The following ZFHX3 variants were observed in gnomAD, a reference collection of about 807,000 sequenced individuals.
The protein encoded by ZFHX3 is zinc finger homeobox protein 3.
ZFHX3 carries 42 observed loss-of-function variants against 279.1 expected under a neutral mutation model. The observed-to-expected ratio is 0.15, with a 90% CI of 0.12 to 0.19. The LOEUF is 0.19. Among genes scored for constraint, ZFHX3 ranks in the 10% least tolerant of loss-of-function variants. The probability of loss-of-function intolerance (pLI) is 1.00; values close to 1 mark genes in which losing one functional copy is unlikely to be tolerated. For missense variants in ZFHX3, 4,981 were observed against 4,754.0 expected (o/e 1.05, Z -1.40); for synonymous variants, 2,293 against 1,957.8 (o/e 1.17, Z -4.52).
chr16:73,270,065 A>G (rs1246496918), intron 4 of ZFHX3, among the ~76,000 whole-genome samples: 2 of 151,972 alleles, frequency 1.3e-5, no homozygotes, highest in Non-Finnish European at 2.9e-5. Context: ...ATATTTTTCA[A>G]CTTGCATTGC....
chr16:72,905,354 C>G (rs997357796), intron 3 of ZFHX3, among the ~76,000 whole-genome samples: 7 of 152,154 alleles, frequency 4.6e-5, no homozygotes, highest in African/African-American at 1.7e-4. Context: ...GGGCTCGCCC[C>G]TCCCCACCAA....
At chr16:73,126,970 A>C (rs1020494380) in intron 7 of ZFHX3, 1 of 163,326 alleles carries the variant, frequency 6.1e-6, no homozygotes, top group Non-Finnish European at 1.3e-5. Context: ...CTTACAAAAT[A>C]CAAGGGAAAG....
Position 73,282,744 on chromosome 16 carries a change from T to C in ZFHX3, c.-1193-25608A>G, listed in dbSNP as rs542676260. On this transcript the variant is annotated intron_variant, in intron 4 of 17. Coordinates refer to the ZFHX3 transcript ENST00000641206. The stretch of plus-strand genomic sequence containing the variant: ...CTTTGCAGTCTTTCTTTTCTTCTTG[T>C]TTCATTGTTTCATAATGTTTGATTT... Among the ~76,000 whole-genome samples the C allele has an allele frequency of 3.3e-5, 5 of 152,366 alleles. No homozygotes were observed. The East Asian group carries it at 9.6e-4, about 29-fold the overall frequency.
intron 3 of ZFHX3, among the ~76,000 whole-genome samples, chr16:73,320,063 A>G (rs917920656): frequency 6.6e-6 from 1 of 152,148 alleles, no homozygotes; most frequent in African/African-American, 2.4e-5. Flanking sequence ...ATGAGGGAGA[A>G]AAGGAGGAGG....
chr16:73,308,948 T>C (rs2015259044), intron 4 of ZFHX3, among the ~76,000 whole-genome samples: 1 of 152,014 alleles, frequency 6.6e-6, no homozygotes, highest in Admixed American at 6.6e-5. Context: ...GAAGCAGAAT[T>C]ACCAATGAGG....
At chr16:72,980,982 C>G (rs1292232605) in intron 1 of ZFHX3, among the ~76,000 whole-genome samples, 1 of 152,068 alleles carries the variant, frequency 6.6e-6, no homozygotes, top group Non-Finnish European at 1.5e-5. Context: ...TTACCATTCG[C>G]TATCAGGAAC....
chr16:73,641,320 C>T (rs74030146), intron 2 of ZFHX3, among the ~76,000 whole-genome samples: 3,348 of 152,062 alleles, frequency 0.022, 139 homozygotes, highest in African/African-American at 0.076. Context: ...TTCAAGGTGA[C>T]GACAAAGGAG....
chr16:72,832,297 A>G (rs970360705), intron 4 of ZFHX3, among the ~76,000 whole-genome samples: 2 of 152,162 alleles, frequency 1.3e-5, no homozygotes, highest in Non-Finnish European at 2.9e-5. Flanking sequence ...ATGTATAAGC[A>G]GATCATTGAT....
intron 3 of ZFHX3, among the ~76,000 whole-genome samples, chr16:72,929,780 T>A (rs1424762387): frequency 6.6e-6 from 1 of 152,180 alleles, no homozygotes. Context: ...ATGAGACTGT[T>A]AAACCAAGCT....
chr16:73,768,742 C>T (rs2053982906), intron 1 of ZFHX3, among the ~76,000 whole-genome samples: 1 of 152,172 alleles, frequency 6.6e-6, no homozygotes, highest in Non-Finnish European at 1.5e-5. Flanking sequence ...ACCAACTACT[C>T]TTTCATTCCA....
intron 5 of ZFHX3, among the ~76,000 whole-genome samples, chr16:73,201,203 C>G (rs916530301): frequency 1.3e-4 from 20 of 152,196 alleles, no homozygotes; most frequent in African/African-American, 4.6e-4. Context: ...TGGGGGGGCT[C>G]TGTCCCCTTG....
At chr16:72,964,197 C>T (rs1219969088) in intron 1 of ZFHX3, among the ~76,000 whole-genome samples, 1 of 152,154 alleles carries the variant, frequency 6.6e-6, no homozygotes, top group Non-Finnish European at 1.5e-5. Flanking sequence ...CAACAATTCC[C>T]CGTTCTAGGA....
intron 5 of ZFHX3, among the ~76,000 whole-genome samples, chr16:73,250,540 T>C (rs971845292): frequency 2.0e-5 from 3 of 152,206 alleles, no homozygotes; most frequent in African/African-American, 7.2e-5. Context: ...TTTATTCATT[T>C]ATTTATTTTT....
intron 7 of ZFHX3, among the ~76,000 whole-genome samples, chr16:73,100,951 G>C (rs1966223696): frequency 6.6e-6 from 1 of 152,012 alleles, no homozygotes; most frequent in South Asian, 2.1e-4. Context: ...GAAAACAAGG[G>C]ACCCCCAGCA....
At chr16:73,201,781 C>A (rs12934670) in intron 5 of ZFHX3, among the ~76,000 whole-genome samples, 43,766 of 152,138 alleles carry the variant, frequency 0.29, 7,627 homozygotes, top group Non-Finnish European at 0.4. Flanking sequence ...TACATGAAAT[C>A]TCCTTAAGAA....
chr16:72,840,162 A>G (rs1179639283), intron 4 of ZFHX3, among the ~76,000 whole-genome samples: 1 of 152,090 alleles, frequency 6.6e-6, no homozygotes, highest in African/African-American at 2.4e-5. Context: ...TTTATTTTTA[A>G]TTGGAAAATA....
intron 1 of ZFHX3, among the ~76,000 whole-genome samples, 183 bp downstream of exon 1, chr16:73,047,569 G>A (rs1965343878): frequency 6.6e-6 from 1 of 152,192 alleles, no homozygotes; most frequent in Non-Finnish European, 1.5e-5. Flanking sequence ...GCTTTACTGT[G>A]TGCCCAGCAG....
At chr16:73,866,656 T>C (rs1962029944) in intron 1 of ZFHX3, among the ~76,000 whole-genome samples, 1 of 152,230 alleles carries the variant, frequency 6.6e-6, no homozygotes, top group African/African-American at 2.4e-5. Context: ...ATAGATTTGA[T>C]TCTTGGAGTT....
intron 7 of ZFHX3, among the ~76,000 whole-genome samples, chr16:73,121,462 T>C (rs1341423210): frequency 6.6e-6 from 1 of 152,206 alleles, no homozygotes; most frequent in Non-Finnish European, 1.5e-5. Flanking sequence ...GTACTGTGTT[T>C]CTACTGGACA....
Sources: gnomAD v4.1 joint callset for allele counts (sites outside exome capture counted in the v4.1 genomes callset) on GRCh38, gnomAD v4.1.1 for gene constraint, MANE v1.5 for transcripts, NCBI Gene and HGNC (gene_info 2026-07-23, HGNC 2026-07-21) for gene names.